Variants in GRM8 observed in about 807,000 individuals in gnomAD.
GRM8 encodes metabotropic glutamate receptor 8.
GRM8 carries 47 observed loss-of-function variants against 87.2 expected under a neutral mutation model. The ratio of observed to expected loss-of-function variants is 0.54; its 90% CI spans 0.43 to 0.69. The LOEUF (loss-of-function observed/expected upper bound fraction) is 0.69. GRM8 is among the 30% of genes least tolerant of loss of function. The probability of loss-of-function intolerance (pLI) is 0.00; values close to 1 mark genes in which losing one functional copy is unlikely to be tolerated. For missense variants in GRM8, 1,019 were observed against 1,139.2 expected (o/e 0.89, Z 1.52); for synonymous variants, 396 against 404.5 (o/e 0.98, Z 0.25).
chr7:126,900,845 C>T (rs1048162322), intron 6 of GRM8, among the ~76,000 whole-genome samples: 5 of 152,058 alleles, frequency 3.3e-5, no homozygotes, highest in Non-Finnish European at 7.4e-5. Context: ...ATGGCCTGTC[C>T]CCAGGATACT....
chr7:126,805,385 C>T (rs1309501508), intron 6 of GRM8, among the ~76,000 whole-genome samples: 3 of 152,248 alleles, frequency 2.0e-5, no homozygotes, highest in Non-Finnish European at 2.9e-5. Flanking sequence ...TTCCGCATCC[C>T]CCTGCCTGTC....
At chr7:126,905,527 A>AT (rs998233519) in intron 3 of GRM8, among the ~76,000 whole-genome samples, 37 of 151,494 alleles carry the variant, frequency 2.4e-4, no homozygotes, top group Admixed American at 7.2e-4. Context: ...TATAAACAGT[A>AT]TTTTTTTTTA....
chr7:126,976,595 A>AAAC (rs948043299), intron 3 of GRM8, among the ~76,000 whole-genome samples: 2 of 152,280 alleles, frequency 1.3e-5, no homozygotes, highest in East Asian at 1.9e-4. Context: ...CTCTGTCTCA[A>AAAC]AACAACAACA....
chr7:127,189,568 C>T (rs2283099), intron 2 of GRM8, among the ~76,000 whole-genome samples: 101,959 of 152,042 alleles, frequency 0.67, 35,189 homozygotes, highest in African/African-American at 0.76. Flanking sequence ...TAGTCTGTGG[C>T]CTAATGACTG....
intron 3 of GRM8, among the ~76,000 whole-genome samples, chr7:127,043,417 A>G (rs1818618447): frequency 6.6e-6 from 1 of 152,238 alleles, no homozygotes; most frequent in Non-Finnish European, 1.5e-5. Context: ...CATATACACT[A>G]TGGAATACTA....
chr7:126,745,826 T>C (rs577745031), intron 7 of GRM8, among the ~76,000 whole-genome samples: 3 of 151,934 alleles, frequency 2.0e-5, no homozygotes, highest in African/African-American at 7.2e-5. Flanking sequence ...CTTCCGAATA[T>C]TAAATACCAC....
intron 7 of GRM8, among the ~76,000 whole-genome samples, chr7:126,666,281 G>A (rs1005330683): frequency 6.6e-6 from 1 of 152,100 alleles, no homozygotes; most frequent in Non-Finnish European, 1.5e-5. Context: ...GCTGATCAAA[G>A]TTGTATCTGA....
chr7:126,452,743 G>C (rs1448312017), intron 9 of GRM8, among the ~76,000 whole-genome samples: 1 of 151,714 alleles, frequency 6.6e-6, no homozygotes, highest in Non-Finnish European at 1.5e-5. Flanking sequence ...GCAATGAACA[G>C]TATAATTCAA....
intron 2 of GRM8, among the ~76,000 whole-genome samples, chr7:127,213,831 A>T (rs17865144): frequency 6.6e-6 from 1 of 152,340 alleles, no homozygotes; most frequent in East Asian, 1.9e-4. Flanking sequence ...TTAGAAAAAT[A>T]TTGGAAACCA....
At position 127,184,623 on chromosome 7, in the gene GRM8, G is replaced by A. The variant is rs141243508; in HGVS notation, c.510+58072C>T. On this transcript the variant is annotated intron_variant, in intron 2 of 10. Coordinates refer to ENST00000339582, the MANE Select transcript of GRM8 (RefSeq NM_000845.3). ...AACAGTCCTAGTTAACATCATACTG[G>A]AAGTCCTAATTAAATACATAAGACA... is the stretch of plus-strand genomic sequence containing the variant. 2.6e-3 allele frequency among the ~76,000 whole-genome samples: 398 copies of A among 151,984 alleles called. 1 individual carries two copies. The highest frequency in any genetic ancestry group is 8.5e-3 in the African/African-American group (353 of 41,516).
At chr7:126,615,967 G>A (rs1229405016) in intron 7 of GRM8, among the ~76,000 whole-genome samples, 2 of 151,962 alleles carry the variant, frequency 1.3e-5, no homozygotes, top group East Asian at 1.9e-4. Context: ...ACAGATCAAC[G>A]AGACAGAAAG....
chr7:126,451,509 C>G (rs1262912886), intron 9 of GRM8, among the ~76,000 whole-genome samples: 2 of 151,626 alleles, frequency 1.3e-5, no homozygotes, highest in African/African-American at 4.8e-5. Context: ...TGCCCTTGCT[C>G]TCTTCTGTTT....
intron 2 of GRM8, among the ~76,000 whole-genome samples, chr7:127,211,143 C>T (rs931909879): frequency 1.3e-5 from 2 of 152,096 alleles, no homozygotes; most frequent in Non-Finnish European, 2.9e-5. Flanking sequence ...AACCACAAGG[C>T]GAGGTCCTAC....
At chr7:127,076,115 C>T (rs956881598) in intron 3 of GRM8, 1 of 455,746 alleles carries the variant, frequency 2.2e-6, no homozygotes, top group African/African-American at 2.0e-5. Context: ...AGAGCCTCTT[C>T]GACTAATAGA....
At chr7:127,047,564 T>C (rs1819057369) in intron 3 of GRM8, among the ~76,000 whole-genome samples, 1 of 152,114 alleles carries the variant, frequency 6.6e-6, no homozygotes, top group Non-Finnish European at 1.5e-5. Context: ...ATGCAGTGGC[T>C]CATGCCTATA....
intron 3 of GRM8, among the ~76,000 whole-genome samples, chr7:127,048,223 A>G (rs1165385506): frequency 9.4e-6 from 1 of 106,446 alleles, no homozygotes; most frequent in Non-Finnish European, 2.0e-5. Context: ...CAAAGGTGCC[A>G]TCTAAACAAA....
At chr7:126,931,711 AAACACAGTCTCCTGC>A (rs1805790011) in intron 3 of GRM8, among the ~76,000 whole-genome samples, 1 of 152,202 alleles carries the variant, frequency 6.6e-6, no homozygotes, top group East Asian at 1.9e-4. Flanking sequence ...ATAGGAAGAA[AAACACAGTCTCCTGC>A]AACAATGTGA....
intron 9 of GRM8, among the ~76,000 whole-genome samples, chr7:126,516,651 A>G (rs1357457347): frequency 1.3e-5 from 2 of 152,120 alleles, no homozygotes; most frequent in Non-Finnish European, 2.9e-5. Flanking sequence ...ACCTGATTAC[A>G]TGGCACCACT....
intron 8 of GRM8, among the ~76,000 whole-genome samples, chr7:126,582,726 G>T (rs1349701497): frequency 3.9e-5 from 6 of 151,976 alleles, no homozygotes; most frequent in Admixed American, 2.6e-4. Context: ...AAAACCTAGG[G>T]CCCTTTAGAA....
Sources: gnomAD v4.1 joint callset for allele counts (sites outside exome capture counted in the v4.1 genomes callset) on GRCh38, gnomAD v4.1.1 for gene constraint, MANE v1.5 for transcripts, NCBI Gene and HGNC (gene_info 2026-07-23, HGNC 2026-07-21) for gene names.